The following DOCK1 variants were observed in gnomAD, a reference collection of about 807,000 sequenced individuals.
The protein encoded by DOCK1 is dedicator of cytokinesis protein 1.
DOCK1 carries 138 observed loss-of-function variants against 262.7 expected under a neutral mutation model. The observed-to-expected ratio is 0.53, with a 90% CI of 0.46 to 0.61. DOCK1 has a LOEUF of 0.61. Among genes scored for constraint, DOCK1 ranks in the 20% least tolerant of loss-of-function variants. DOCK1 has a pLI of 0.00. For synonymous variants in DOCK1, 866 were observed against 867.4 expected, an observed-to-expected ratio of 1.00 and a Z score of 0.03; for missense variants, 1,908 against 2,370.7, an observed-to-expected ratio of 0.80 and a Z score of 4.05.
chr10:126,957,275 C>T (rs2036821064), intron 1 of DOCK1, among the ~76,000 whole-genome samples: 2 of 152,198 alleles, frequency 1.3e-5, no homozygotes, highest in African/African-American at 2.4e-5. Context: ...CCTGTCTTCT[C>T]CCTCCTGGTT....
intron 16 of DOCK1, 91 bp downstream of exon 16, chr10:127,026,515 G>A (rs1000058699): frequency 1.0e-5 from 12 of 1,188,116 alleles, no homozygotes; most frequent in African/African-American, 6.2e-5. Flanking sequence ...TCTGGAACTC[G>A]CTATCATAAC....
At chr10:127,383,251 G>T (rs2065917912) in intron 37 of DOCK1, among the ~76,000 whole-genome samples, 1 of 152,190 alleles carries the variant, frequency 6.6e-6, no homozygotes, top group Non-Finnish European at 1.5e-5. Context: ...TCTCCATGTG[G>T]AAGTGGAAGG....
intron 27 of DOCK1, among the ~76,000 whole-genome samples, chr10:127,166,932 G>C (rs1484926503): frequency 1.3e-5 from 2 of 152,052 alleles, no homozygotes; most frequent in African/African-American, 4.8e-5. Flanking sequence ...TTAAAAGGCT[G>C]AGGAGGTATT....
At position 127,380,084 on chromosome 10, in the gene DOCK1, T is replaced by C. The variant is rs61733301; in HGVS notation, c.3678T>C (p.Asn1226=). The C allele has an allele frequency of 9.6e-4, 1,456 of 1,522,386 alleles. 8 individuals carry two copies. In the African/African-American group the frequency reaches 0.017, roughly 18 times the overall value. The allele number at this position is 1,522,386 out of a possible 1,614,324, so 94.3% of individuals were successfully genotyped here. The change falls in exon 36 of 52, where the codon AAT becomes AAC. Residue 1226 remains asparagine, a splice_region_variant and synonymous_variant. Coordinates refer to ENST00000623213, the MANE Select transcript of DOCK1 (RefSeq NM_001290223.2). ...NRMSCTVNVL[N]FYKEIEREEM... ...AGTATTATGGTTTAACTTTTCAGAA[T>C]TTCTACAAAGAAATTGAAAGAGAAG...
chr10:127,234,990 CAT>C (rs10569673), intron 27 of DOCK1, among the ~76,000 whole-genome samples: 39,956 of 147,162 alleles, frequency 0.27, 5,687 homozygotes, highest in South Asian at 0.41. Context: ...ACATTTTATA[CAT>C]ATATAATAAA....
intron 27 of DOCK1, chr10:127,146,176 T>TA (rs1297404358): frequency 2.8e-6 from 1 of 357,960 alleles, no homozygotes; most frequent in Non-Finnish European, 5.5e-6. Context: ...TGGACATTGG[T>TA]AAATGCCTCC....
At chr10:126,918,651 C>G (rs2032796435) in intron 1 of DOCK1, among the ~76,000 whole-genome samples, 1 of 152,140 alleles carries the variant, frequency 6.6e-6, no homozygotes, top group Non-Finnish European at 1.5e-5. Flanking sequence ...TTAATAAGTT[C>G]TAGAATTTCC....
intron 1 of DOCK1, among the ~76,000 whole-genome samples, chr10:126,906,211 C>T (rs1016107612): frequency 2.6e-5 from 4 of 152,196 alleles, no homozygotes; most frequent in Non-Finnish European, 5.9e-5. Context: ...AGAGCGGGGG[C>T]CTGTTTTTGC....
chr10:127,389,374 T>A (rs1168221767), intron 38 of DOCK1, among the ~76,000 whole-genome samples: 6 of 152,184 alleles, frequency 3.9e-5, no homozygotes. Flanking sequence ...AGGCCACGGC[T>A]GAAGGTTGAG....
At chr10:127,147,026 C>T (rs2051932703) in intron 27 of DOCK1, among the ~76,000 whole-genome samples, 1 of 152,154 alleles carries the variant, frequency 6.6e-6, no homozygotes, top group South Asian at 2.1e-4. Flanking sequence ...GTTTTGTGGT[C>T]TTATTGGTGT....
chr10:127,049,677 T>G (rs1193774658), intron 21 of DOCK1, among the ~76,000 whole-genome samples: 1 of 152,170 alleles, frequency 6.6e-6, no homozygotes, highest in Non-Finnish European at 1.5e-5. Context: ...TTATTTCAAA[T>G]TATAGTTTGA....
chr10:127,422,901 A>G (rs898375783), intron 46 of DOCK1, among the ~76,000 whole-genome samples: 2 of 152,152 alleles, frequency 1.3e-5, no homozygotes, highest in African/African-American at 4.8e-5. Context: ...GGATTTTAAG[A>G]GTTTCAAGTC....
intron 27 of DOCK1, among the ~76,000 whole-genome samples, chr10:127,203,898 G>T (rs1386231240): frequency 6.7e-6 from 1 of 148,272 alleles, no homozygotes; most frequent in Non-Finnish European, 1.5e-5. Flanking sequence ...ACACAATTTT[G>T]ATTTTTTTTT....
At chr10:127,397,819 G>A (rs1392403050) in intron 38 of DOCK1, among the ~76,000 whole-genome samples, 2 of 151,330 alleles carry the variant, frequency 1.3e-5, no homozygotes, top group Non-Finnish European at 2.9e-5. Flanking sequence ...ACTCCTGTAT[G>A]ACCCGGGCAG....
At chr10:127,019,625 G>A (rs1054312574) in intron 13 of DOCK1, among the ~76,000 whole-genome samples, 1 of 152,134 alleles carries the variant, frequency 6.6e-6, no homozygotes, top group African/African-American at 2.4e-5. Flanking sequence ...GCATATGCCT[G>A]TCATTCTAGT....
At chr10:127,178,003 C>T (rs867729271) in intron 27 of DOCK1, among the ~76,000 whole-genome samples, 1 of 152,266 alleles carries the variant, frequency 6.6e-6, no homozygotes, top group Non-Finnish European at 1.5e-5. Context: ...CCCAGCTGTC[C>T]AACAGACAGA....
At chr10:126,942,040 T>C (rs1431664344) in intron 1 of DOCK1, among the ~76,000 whole-genome samples, 1 of 152,012 alleles carries the variant, frequency 6.6e-6, no homozygotes, top group Non-Finnish European at 1.5e-5. Flanking sequence ...TTCTTTTTTT[T>C]TTGAGACGGA....
chr10:127,017,505 A>ACACC (rs1405219786), intron 12 of DOCK1, among the ~76,000 whole-genome samples: 1 of 151,238 alleles, frequency 6.6e-6, no homozygotes, highest in Non-Finnish European at 1.5e-5. Flanking sequence ...ACAGAGACAC[A>ACACC]CACAGACACA....
chr10:127,313,220 C>T (rs2062131569), intron 29 of DOCK1, among the ~76,000 whole-genome samples: 1 of 152,106 alleles, frequency 6.6e-6, no homozygotes, highest in Non-Finnish European at 1.5e-5. Flanking sequence ...CCATGGGCAC[C>T]CCTCACCTCC....
Sources: allele counts gnomAD v4.1 joint callset (sites outside exome capture counted in the v4.1 genomes callset), GRCh38; gene constraint gnomAD v4.1.1; transcripts MANE v1.5; gene names NCBI Gene and HGNC (gene_info 2026-07-23, HGNC 2026-07-21).